The following MAST2 variants were observed in gnomAD, a reference collection of about 807,000 sequenced individuals.
MAST2 encodes microtubule associated serine/threonine kinase 2, also known as microtubule-associated serine/threonine-protein kinase 2.
A neutral mutation model predicts 147.4 loss-of-function variants in MAST2; 70 were observed. That is an observed-to-expected ratio of 0.47 (90% confidence interval 0.39 to 0.58). The LOEUF is 0.58. MAST2 is among the 20% of genes least tolerant of loss of function. The probability of loss-of-function intolerance (pLI) is 0.00; values close to 1 mark genes in which losing one functional copy is unlikely to be tolerated. For missense variants in MAST2, 2,080 were observed against 2,302.3 expected, an observed-to-expected ratio of 0.90 and a Z score of 1.98; for synonymous variants, 869 against 896.8, an observed-to-expected ratio of 0.97 and a Z score of 0.55.
intron 4 of MAST2, among the ~76,000 whole-genome samples, chr1:45,937,818 A>G (rs1463611959): frequency 6.6e-6 from 1 of 150,584 alleles, no homozygotes; most frequent in Non-Finnish European, 1.5e-5. Context: ...AAGCGATTCA[A>G]TGGTTTTTTA....
At chr1:45,937,050 T>G (rs1656303652) in intron 4 of MAST2, among the ~76,000 whole-genome samples, 1 of 150,480 alleles carries the variant, frequency 6.6e-6, no homozygotes, top group Admixed American at 6.6e-5. Flanking sequence ...GGCTTTTTTT[T>G]TTTTTTCTCC....
intron 7 of MAST2, among the ~76,000 whole-genome samples, chr1:46,003,958 G>C (rs1645378422): frequency 6.6e-6 from 1 of 152,104 alleles, no homozygotes; most frequent in Non-Finnish European, 1.5e-5. Flanking sequence ...TGAATCTCGA[G>C]CAGGGAAAAG....
At chr1:45,844,048 A>G (rs1233875039) in intron 3 of MAST2, among the ~76,000 whole-genome samples, 2 of 152,120 alleles carry the variant, frequency 1.3e-5, no homozygotes, top group South Asian at 2.1e-4. Context: ...GTGACGTCAA[A>G]TTTTTTTCTT....
At chr1:45,913,052 T>G (rs1651919826) in intron 4 of MAST2, among the ~76,000 whole-genome samples, 1 of 152,216 alleles carries the variant, frequency 6.6e-6, no homozygotes, top group African/African-American at 2.4e-5. Context: ...TTAAGCTAGT[T>G]TCTGGGCTTA....
At chr1:45,867,743 A>G (rs542209333) in intron 3 of MAST2, among the ~76,000 whole-genome samples, 1 of 152,370 alleles carries the variant, frequency 6.6e-6, no homozygotes, top group South Asian at 2.1e-4. Context: ...CCTCAAGGAC[A>G]GACAAGTAGG....
At chr1:45,884,082 T>G (rs947755809) in intron 4 of MAST2, among the ~76,000 whole-genome samples, 26 of 152,018 alleles carry the variant, frequency 1.7e-4, no homozygotes, top group Non-Finnish European at 3.5e-4. Flanking sequence ...TATTCTTATT[T>G]TTATTTTATA....
intron 4 of MAST2, among the ~76,000 whole-genome samples, chr1:45,954,807 G>A (rs1047479134): frequency 6.6e-6 from 1 of 152,120 alleles, no homozygotes; most frequent in Non-Finnish European, 1.5e-5. Flanking sequence ...TTATAAAAAG[G>A]CATGTGGCCT....
intron 3 of MAST2, among the ~76,000 whole-genome samples, chr1:45,831,495 G>T (rs1416563087): frequency 1.3e-5 from 2 of 152,096 alleles, no homozygotes; most frequent in Non-Finnish European, 2.9e-5. Flanking sequence ...AGGATCATTT[G>T]TGAAAATTCC....
At position 46,023,887 on chromosome 1, in the gene MAST2, A is replaced by G; in HGVS notation, c.1687A>G (p.Ile563Val). The G allele has an allele frequency of 6.2e-7, 1 of 1,614,156 alleles. No individual in the cohort carries two copies. Among genetic ancestry groups the G allele is most frequent in the Non-Finnish European group, 8.5e-7 (1 of 1,180,022 alleles). ...CCAGCAGGCCTTCGTGGAGCGTGAC[A>G]TACTGACTTTCGCTGAGAACCCCTT... ...QIQQAFVERD[I>V]LTFAENPFVV... The change falls in exon 15 of 29, where the codon ATA (isoleucine) becomes GTA (valine). Residue 563 changes from isoleucine to valine, a missense_variant. Physicochemically the swap from Ile to Val is conservative, Grantham distance 29. Coordinates refer to ENST00000361297, the MANE Select transcript of MAST2 (RefSeq NM_015112.3). This position sits in a 1 kb window ranked among gnomAD's most constrained non-coding sequence, Gnocchi z 4.9.
intron 4 of MAST2, among the ~76,000 whole-genome samples, chr1:45,927,471 T>C (rs1308788641): frequency 6.6e-6 from 1 of 152,182 alleles, no homozygotes; most frequent in African/African-American, 2.4e-5. Flanking sequence ...AGGCGCGTAT[T>C]CTCTTTCTCA....
In MAST2 at chr1:45,832,718, G is replaced by A. The variant is rs77177027; in HGVS notation, c.468+3137G>A. Reference sequence around the variant, plus strand: ...TTGCAGAAGGGATTCCCGGACTGAGGTTACTGGAACCTAGGCCAAGTGAGC... The same window carrying A: ...TTGCAGAAGGGATTCCCGGACTGAGATTACTGGAACCTAGGCCAAGTGAGC... On this transcript the variant is annotated intron_variant, in intron 3 of 28. Coordinates refer to ENST00000361297, the MANE Select transcript of MAST2 (RefSeq NM_015112.3). Among the ~76,000 whole-genome samples, 450 of 152,050 alleles carry A rather than the reference G, an allele frequency of 3.0e-3. 3 individuals are homozygous for A. Among genetic ancestry groups the A allele is most frequent in the East Asian group, 0.021 (109 of 5,192 alleles).
At chr1:45,915,561 T>G (rs956162709) in intron 4 of MAST2, among the ~76,000 whole-genome samples, 2 of 151,948 alleles carry the variant, frequency 1.3e-5, no homozygotes, top group Non-Finnish European at 2.9e-5. Flanking sequence ...ATACAAAAAA[T>G]TAGCCGGACG....
At chr1:45,916,660 T>C (rs976234818) in intron 4 of MAST2, among the ~76,000 whole-genome samples, 2 of 152,238 alleles carry the variant, frequency 1.3e-5, no homozygotes, top group Admixed American at 6.5e-5. Context: ...CTATTCAGAA[T>C]GTTTTACTCT....
chr1:45,832,789 AGATATAATTCACATAT>A (rs1182727233), intron 3 of MAST2, among the ~76,000 whole-genome samples: 1 of 151,978 alleles, frequency 6.6e-6, no homozygotes, highest in Non-Finnish European at 1.5e-5. Context: ...CAGTTTATTG[AGATATAATTCACATAT>A]GATATAATTC....
chr1:45,819,561 C>T (rs1384667959), intron 1 of MAST2, among the ~76,000 whole-genome samples: 1 of 152,040 alleles, frequency 6.6e-6, no homozygotes, highest in Non-Finnish European at 1.5e-5. Context: ...TGTATGCCAA[C>T]AGTGAACAAT....
chr1:46,000,895 T>C, intron 6 of MAST2: 2 of 1,196,316 alleles, frequency 1.7e-6, no homozygotes, highest in Non-Finnish European at 2.2e-6. Context: ...AATACCAAGA[T>C]TCAAAAAGAT....
intron 4 of MAST2, among the ~76,000 whole-genome samples, chr1:45,957,801 A>G (rs1557962866): frequency 6.6e-6 from 1 of 152,176 alleles, no homozygotes; most frequent in South Asian, 2.1e-4. Context: ...GTCACTGTGA[A>G]TATAAAGACA....
intron 4 of MAST2, among the ~76,000 whole-genome samples, chr1:45,895,187 G>A (rs185461479): frequency 3.9e-5 from 6 of 152,126 alleles, no homozygotes; most frequent in Non-Finnish European, 7.4e-5. Context: ...TTTTGTAATT[G>A]GCTTCCTTTA....
chr1:45,994,249 G>C (rs1035509113), intron 5 of MAST2, among the ~76,000 whole-genome samples: 4 of 144,658 alleles, frequency 2.8e-5, no homozygotes, highest in African/African-American at 1.0e-4. Flanking sequence ...CAGACTGATA[G>C]CAAGTGGCTC....
Sources: gnomAD v4.1 joint callset for allele counts (sites outside exome capture counted in the v4.1 genomes callset) on GRCh38, gnomAD v4.1.1 for gene constraint, Gnocchi (gnomAD v3.1) non-coding constraint, MANE v1.5 for transcripts, NCBI Gene and HGNC (gene_info 2026-07-23, HGNC 2026-07-21) for gene names.